Variants in SLC15A1 observed in about 807,000 individuals in gnomAD.
SLC15A1 encodes the protein Caco-2 oligopeptide transporter.
SLC15A1 carries 83 observed loss-of-function variants against 92.9 expected under a neutral mutation model. The observed-to-expected ratio is 0.89, with a 90% CI of 0.75 to 1.07. SLC15A1 has a LOEUF of 1.07. SLC15A1 is among the 50% of genes least tolerant of loss of function. The pLI, the probability that SLC15A1 is intolerant of heterozygous loss-of-function variation, is 0.00. For missense variants in SLC15A1, 857 were observed against 880.1 expected (o/e 0.97, Z 0.33); for synonymous variants, 322 against 318.2 (o/e 1.01, Z -0.13).
intron 18 of SLC15A1, among the ~76,000 whole-genome samples, chr13:98,697,847 C>G (rs2088035821): frequency 6.6e-6 from 1 of 152,174 alleles, no homozygotes; most frequent in African/African-American, 2.4e-5. Context: ...AGGCATTAAC[C>G]TGGCACACAG....
At chr13:98,687,440 G>C (rs1593977085) in intron 21 of SLC15A1, 141 bp downstream of exon 21, 1 of 972,466 alleles carries the variant, frequency 1.0e-6, no homozygotes, top group East Asian at 2.4e-5. Flanking sequence ...TGACCTCAGA[G>C]ACCTTGCTGT....
intron 6 of SLC15A1, 67 bp downstream of exon 6, chr13:98,721,737 C>A: frequency 6.8e-7 from 1 of 1,463,396 alleles, no homozygotes; most frequent in Non-Finnish European, 9.5e-7. Context: ...AGACTTTGTG[C>A]CCGTGGCCTC....
At position 98,719,308 on chromosome 13, in the gene SLC15A1, C is replaced by T. The variant is rs528453066; in HGVS notation, c.569G>A (p.Gly190Glu). The change falls in exon 8 of 23, where the codon GGA becomes GAA. Residue 190 changes from glycine to glutamate, a missense_variant. By Grantham distance (98) the Gly-to-Glu change is moderately conservative. Coordinates refer to ENST00000376503, the MANE Select transcript of SLC15A1 (RefSeq NM_005073.4). The part of the protein sequence containing the change: ...ITPMLRVQQC[G>E]IHSKQACYPL... The stretch of plus-strand genomic sequence containing the variant: ...GTAACAAGCTTGTTTACTGTGAATT[C>T]CACATTGTTGAACTGGGGAGAAATG... The T allele has an allele frequency of 5.0e-6, 8 of 1,613,172 alleles. 1 individual carries two copies. The highest frequency in any genetic ancestry group is 3.3e-5 in the South Asian group (3 of 91,030).
At chr13:98,737,942 T>A (rs1280051134) in intron 1 of SLC15A1, among the ~76,000 whole-genome samples, 4 of 152,142 alleles carry the variant, frequency 2.6e-5, no homozygotes, top group Non-Finnish European at 5.9e-5. Context: ...GCTGAAGAGG[T>A]CTCAGGTGGA....
chr13:98,746,640 A>C (rs1027731591), intron 1 of SLC15A1, among the ~76,000 whole-genome samples: 1 of 152,072 alleles, frequency 6.6e-6, no homozygotes, highest in Admixed American at 6.5e-5. Flanking sequence ...TAGAAGTTCT[A>C]AATGCCTAGT....
chr13:98,691,541 C>A (rs1468530262), intron 18 of SLC15A1, among the ~76,000 whole-genome samples: 1 of 152,200 alleles, frequency 6.6e-6, no homozygotes, highest in Non-Finnish European at 1.5e-5. Context: ...TCCAAATCAA[C>A]CACCTGAGGA....
chr13:98,690,363 A>T (rs1290099758), intron 18 of SLC15A1, among the ~76,000 whole-genome samples: 1 of 152,126 alleles, frequency 6.6e-6, no homozygotes, highest in Non-Finnish European at 1.5e-5. Context: ...ATGGAACCTG[A>T]GACAGATCCA....
At chr13:98,705,893 TAAA>T (rs58621986) in intron 16 of SLC15A1, among the ~76,000 whole-genome samples, 3,062 of 142,904 alleles carry the variant, frequency 0.021, 32 homozygotes, top group Non-Finnish European at 0.03. Flanking sequence ...AGACTCCATC[TAAA>T]AAAAAAAAAA....
intron 1 of SLC15A1, among the ~76,000 whole-genome samples, chr13:98,744,836 CATAAGA>C (rs1360183734): frequency 1.3e-5 from 2 of 150,356 alleles, no homozygotes; most frequent in African/African-American, 2.4e-5. Context: ...TCTTTCCTAT[CATAAGA>C]ATATCTGTAA....
At chr13:98,688,897 C>G (rs1406310433) in intron 18 of SLC15A1, among the ~76,000 whole-genome samples, 1 of 152,130 alleles carries the variant, frequency 6.6e-6, no homozygotes, top group Non-Finnish European at 1.5e-5. Context: ...GAGCCTCTTC[C>G]CTTCAAGAAG....
At chr13:98,743,473 T>C (rs2088465566) in intron 1 of SLC15A1, among the ~76,000 whole-genome samples, 1 of 152,226 alleles carries the variant, frequency 6.6e-6, no homozygotes, top group Non-Finnish European at 1.5e-5. Context: ...ATGATCTCTC[T>C]GGGACCCAGG....
At chr13:98,703,484 C>T (rs2088086091) in intron 17 of SLC15A1, among the ~76,000 whole-genome samples, 1 of 149,384 alleles carries the variant, frequency 6.7e-6, no homozygotes, top group Non-Finnish European at 1.5e-5. Context: ...AGAATGCCCA[C>T]AACTCTACAA....
Sources: gnomAD v4.1 joint callset for allele counts (sites outside exome capture counted in the v4.1 genomes callset) on GRCh38, gnomAD v4.1.1 for gene constraint, MANE v1.5 for transcripts, NCBI Gene and HGNC (gene_info 2026-07-23, HGNC 2026-07-21) for gene names.